The following POFUT3 variants were observed in gnomAD, a reference collection of about 807,000 sequenced individuals.
POFUT3 encodes the protein GDP-fucose protein O-fucosyltransferase 3.
At chr8:33,386,188 CA>C in the POFUT3 span, among the ~76,000 whole-genome samples, 1,946 of 31,964 alleles carry the variant, frequency 0.061, 16 homozygotes, top group African/African-American at 0.11. Context: ...GGCTCCATCT[CA>C]AAAAAAAAAA....
chr8:33,402,018 C>T, the POFUT3 span, among the ~76,000 whole-genome samples: 1 of 151,834 alleles, frequency 6.6e-6, no homozygotes, highest in African/African-American at 2.4e-5. Flanking sequence ...AGAACGAGAT[C>T]CTGTCTCCAA....
At chr8:33,309,377 T>TGTGTG in the POFUT3 span, among the ~76,000 whole-genome samples, 12,179 of 146,060 alleles carry the variant, frequency 0.083, 658 homozygotes, top group East Asian at 0.31. Context: ...GTGTGTGTGT[T>TGTGTG]TTTCTCCCCT....
the POFUT3 span, among the ~76,000 whole-genome samples, chr8:33,466,942 T>C: frequency 6.6e-6 from 1 of 151,978 alleles, no homozygotes; most frequent in African/African-American, 2.4e-5. Flanking sequence ...CTGTCTCTAC[T>C]AAAAATACAA....
chr8:33,339,220 A>T, the POFUT3 span, among the ~76,000 whole-genome samples: 1 of 152,216 alleles, frequency 6.6e-6, no homozygotes, highest in Non-Finnish European at 1.5e-5. Context: ...ATAAAGTTTC[A>T]AGAAAGAAAT....
the POFUT3 span, among the ~76,000 whole-genome samples, chr8:33,399,193 T>C: frequency 6.6e-6 from 1 of 152,264 alleles, no homozygotes. Flanking sequence ...CTATGTATTC[T>C]GTACTGTGCT....
At chr8:33,456,350 A>T in the POFUT3 span, among the ~76,000 whole-genome samples, 1 of 151,786 alleles carries the variant, frequency 6.6e-6, no homozygotes, top group African/African-American at 2.4e-5. Context: ...TTATTTTTTT[A>T]TTTATTTTTT....
chr8:33,404,711 A>AC, the POFUT3 span, among the ~76,000 whole-genome samples: 1 of 146,518 alleles, frequency 6.8e-6, no homozygotes, highest in South Asian at 2.2e-4. Flanking sequence ...TACTGGTGTT[A>AC]AAAAAAAAAA....
chr8:33,465,509 C>A, the POFUT3 span, among the ~76,000 whole-genome samples: 1 of 152,034 alleles, frequency 6.6e-6, no homozygotes, highest in African/African-American at 2.4e-5. Context: ...GTTGCCCAGG[C>A]TGGAGTGCAG....
chr8:33,443,792 C>A, the POFUT3 span, among the ~76,000 whole-genome samples: 27 of 152,244 alleles, frequency 1.8e-4, no homozygotes, highest in Non-Finnish European at 3.8e-4. Flanking sequence ...TACATCAGGC[C>A]TAGGTTTAGG....
At chr8:33,379,564 G>A in the POFUT3 span, among the ~76,000 whole-genome samples, 13 of 152,090 alleles carry the variant, frequency 8.5e-5, no homozygotes, top group Middle Eastern at 3.4e-3. Flanking sequence ...AAGGCTGGGC[G>A]CAGTGGCTCA....
the POFUT3 span, among the ~76,000 whole-genome samples, chr8:33,318,463 CTATTA>C: frequency 4.5e-5 from 6 of 132,488 alleles, no homozygotes; most frequent in East Asian, 2.1e-4. Flanking sequence ...TGTATGAATT[CTATTA>C]TATTATTATA....
At chr8:33,418,813 T>C in the POFUT3 span, among the ~76,000 whole-genome samples, 4 of 152,176 alleles carry the variant, frequency 2.6e-5, no homozygotes, top group Non-Finnish European at 4.4e-5. Flanking sequence ...ATAGCCAAGA[T>C]ACGGAATCAA....
the POFUT3 span, among the ~76,000 whole-genome samples, chr8:33,435,641 G>A: frequency 4.0e-5 from 6 of 151,312 alleles, no homozygotes; most frequent in Admixed American, 1.3e-4. Context: ...TCGGCTACCT[G>A]AGTAGATGGG....
At chr8:33,457,460 C>CA in the POFUT3 span, among the ~76,000 whole-genome samples, 8 of 152,056 alleles carry the variant, frequency 5.3e-5, no homozygotes, top group African/African-American at 1.7e-4. Flanking sequence ...CATGCCACTG[C>CA]ACTCCAGCCT....
the POFUT3 span, among the ~76,000 whole-genome samples, chr8:33,356,482 G>A: frequency 6.6e-6 from 1 of 151,998 alleles, no homozygotes; most frequent in Admixed American, 6.5e-5. Flanking sequence ...TTTGAGAAGT[G>A]TCTGTTCATG....
At chr8:33,360,121 A>G in the POFUT3 span, among the ~76,000 whole-genome samples, 3 of 152,042 alleles carry the variant, frequency 2.0e-5, no homozygotes, top group Non-Finnish European at 4.4e-5. Context: ...AATCCAGCAA[A>G]GTACCTGGCA....
At chr8:33,336,108 C>T in the POFUT3 span, among the ~76,000 whole-genome samples, 5 of 152,266 alleles carry the variant, frequency 3.3e-5, no homozygotes, top group South Asian at 4.2e-4. Flanking sequence ...GTTACAGACA[C>T]GACACAATTT....
chr8:33,407,737 T>A, the POFUT3 span, among the ~76,000 whole-genome samples: 1 of 152,108 alleles, frequency 6.6e-6, no homozygotes, highest in Non-Finnish European at 1.5e-5. Context: ...GTGCAGTGGC[T>A]CACGCCTGTA....
At chr8:33,328,089 T>C in the POFUT3 span, among the ~76,000 whole-genome samples, 7 of 152,322 alleles carry the variant, frequency 4.6e-5, 1 homozygote, top group Admixed American at 4.6e-4. Flanking sequence ...AAAGTAGTGA[T>C]CTTCTTCTCT....
Sources: gnomAD v4.1 joint callset for allele counts (sites outside exome capture counted in the v4.1 genomes callset) on GRCh38, gnomAD v4.1.1 for gene constraint, MANE v1.5 for transcripts, NCBI Gene and HGNC (gene_info 2026-07-23, HGNC 2026-07-21) for gene names.